THOP1: variants seen among roughly 807,000 people sequenced by gnomAD.
THOP1 encodes thimet oligopeptidase.
In THOP1, 49 loss-of-function variants were observed where a neutral mutation model predicts 71.8. The ratio of observed to expected loss-of-function variants is 0.68; its 90% confidence interval spans 0.54 to 0.87. The LOEUF (loss-of-function observed/expected upper bound fraction) is 0.87, where lower values mean the gene tolerates loss of function less well. Ranked by LOEUF, THOP1 falls within the 40% of genes least tolerant of loss-of-function variation. THOP1 has a pLI of 0.00. For synonymous variants in THOP1, 426 were observed against 421.5 expected (o/e 1.01, Z -0.13); for missense variants, 843 against 975.6 (o/e 0.86, Z 1.81).
rs145473951 is a variant in THOP1 at position 2,790,543 on chromosome 19, G to A, written c.139G>A (p.Val47Met). The A allele has an allele frequency of 1.6e-5, 26 of 1,607,960 alleles. No homozygotes were observed. Among genetic ancestry groups the A allele is most frequent in the Non-Finnish European group, 1.9e-5 (22 of 1,177,536 alleles). ...GGAGCTCATCGAGCAGACCAAGCGC[G>A]TGTATGACCAGGTTGGCACCCAGGA... ...TRELIEQTKR[V>M]YDQVGTQEFE... Residue 47 changes from valine to methionine, a missense_variant, in exon 2 of 13, where the codon GTG (valine) becomes ATG (methionine). By Grantham distance (21) the Val-to-Met change is conservative. Coordinates refer to ENST00000307741, the MANE Select transcript of THOP1 (RefSeq NM_003249.5).
chr19:2,811,589 C>T lies in THOP1; in HGVS notation c.1772-9C>T, dbSNP rs778755510. 4.3e-6 allele frequency: 7 copies of T among 1,611,260 alleles called. No individual in the cohort carries two copies. Among genetic ancestry groups the T allele is most frequent in the Non-Finnish European group, 5.1e-6 (6 of 1,178,788 alleles). Reference sequence around the variant, plus strand: ...CTACAGCGTGAACCCTGCCATGTGTCCGCCCCAGGAACCAACATGCCTGCA... The same window carrying T: ...CTACAGCGTGAACCCTGCCATGTGTTCGCCCCAGGAACCAACATGCCTGCA... On this transcript the variant is annotated splice_polypyrimidine_tract_variant and intron_variant, in intron 11 of 12. Transcript: ENST00000307741.
At chr19:2,795,670 C>T (rs926305780) in intron 3 of THOP1, among the ~76,000 whole-genome samples, 3 of 152,262 alleles carry the variant, frequency 2.0e-5, no homozygotes, top group Admixed American at 6.5e-5. Context: ...CCCACCTCCA[C>T]TTTCCAGAGT....
At position 2,785,602 on chromosome 19, in the gene THOP1, G is replaced by A; in HGVS notation, c.-61G>A. 6.7e-7 allele frequency: 1 copy of A among 1,489,338 alleles called. No individual in the cohort carries two copies. The allele number at this position is 1,489,338 out of a possible 1,614,324, so 92.3% of individuals were successfully genotyped here. A position where few individuals can be genotyped will look rare whatever the true frequency, so the allele number is the denominator to read the frequency against. Reference sequence around the variant, plus strand: ...CGAGGCAGGCGGCCTCAGTGGCCGAGGTGGCTGGACGCGTAGCAGGTGGAA... The same window carrying A: ...CGAGGCAGGCGGCCTCAGTGGCCGAAGTGGCTGGACGCGTAGCAGGTGGAA... On this transcript the variant is annotated 5_prime_UTR_variant, in exon 1 of 13. Transcript: ENST00000307741.
intron 2 of THOP1, among the ~76,000 whole-genome samples, chr19:2,794,215 T>G (rs1288250384): frequency 5.9e-5 from 9 of 151,710 alleles, no homozygotes. Flanking sequence ...GGGTTTCACC[T>G]TGTTGGCCAG....
In THOP1 at chr19:2,804,057, C is replaced by T. The variant is rs949336752; in HGVS notation, c.590-959C>T. 1.3e-5 allele frequency among the ~76,000 whole-genome samples: 2 copies of T among 152,032 alleles called. No individual in the cohort carries two copies. The highest frequency in any genetic ancestry group is 4.8e-5 in the African/African-American group (2 of 41,384). ...CGTGTGAGCTCCGGATCATTCTTTC[C>T]ACCCTGACTCCCCTGGGGTCGGAGT... On this transcript the variant is annotated intron_variant, in intron 5 of 12. Coordinates refer to ENST00000307741, the MANE Select transcript of THOP1 (RefSeq NM_003249.5). The surrounding 1 kb of genome is among the most constrained non-coding windows in gnomAD (Gnocchi z 4.7).
At position 2,813,304 on chromosome 19, in the gene THOP1, G is replaced by T. The variant is rs771258530; in HGVS notation, c.*28G>T. The stretch of plus-strand genomic sequence containing the variant: ...CCTGGCACTGCGACTGCCCAGTCTG[G>T]CCTGCGCTCCCGCCGCCCTGGTGCC... On this transcript the variant is annotated 3_prime_UTR_variant, in exon 13 of 13. Coordinates refer to ENST00000307741, the MANE Select transcript of THOP1 (RefSeq NM_003249.5). 7.6e-6 allele frequency: 12 copies of T among 1,583,258 alleles called. No homozygotes were observed. Among genetic ancestry groups the T allele is most frequent in the Non-Finnish European group, 9.4e-6 (11 of 1,165,210 alleles).
At position 2,804,642 on chromosome 19, in the gene THOP1, C is replaced by T. The variant is rs963736864; in HGVS notation, c.590-374C>T. ...GGCCACCCTTCCCGCCACCCTCCTCCCTTCACACATGAGGTTGGTGACGGC... is the reference window on the plus strand; with the variant it reads ...GGCCACCCTTCCCGCCACCCTCCTCTCTTCACACATGAGGTTGGTGACGGC... On this transcript the variant is annotated intron_variant, in intron 5 of 12. Transcript: ENST00000307741. This position sits in a 1 kb window ranked among gnomAD's most constrained non-coding sequence, Gnocchi z 4.7. 1.6e-5 allele frequency: 3 copies of T among 185,436 alleles called. No individual in the cohort carries two copies. The highest frequency in any genetic ancestry group is 4.7e-5 in the African/African-American group (2 of 42,308). The allele number at this position is 185,436 out of a possible 1,614,324, so 11.5% of individuals were successfully genotyped here.
rs1169402198 is a variant in THOP1, at chr19:2,804,364, C to T, written c.590-652C>T. 1.3e-5 allele frequency among the ~76,000 whole-genome samples: 2 copies of T among 152,126 alleles called. No individual in the cohort carries two copies. The highest frequency in any genetic ancestry group is 2.9e-5 in the Non-Finnish European group (2 of 68,020). On this transcript the variant is annotated intron_variant, in intron 5 of 12. Transcript: ENST00000307741. This position sits in a 1 kb window ranked among gnomAD's most constrained non-coding sequence, Gnocchi z 4.7. The stretch of plus-strand genomic sequence containing the variant: ...GACAGCAGGGCTCCAGTGAGAAGCT[C>T]TGGGAGTAGGAATTGGGTCTCTCTG...
chr19:2,799,826 G>A (rs375217695), intron 5 of THOP1, 35 bp downstream of exon 5: 109 of 1,580,898 alleles, frequency 6.9e-5, no homozygotes, highest in Admixed American at 1.0e-4. Flanking sequence ...GGTGGCCATC[G>A]GTCCTGGGAC....
At position 2,813,486 on chromosome 19, in the gene THOP1, T is replaced by C. The variant is rs1916540083; in HGVS notation, c.*210T>C. ...CCTCAAGGCATCTGGAGGGCTTTCG[T>C]GGCTGCCAGGGCCTGGTCTTTGTTG... On this transcript the variant is annotated 3_prime_UTR_variant, in exon 13 of 13. Coordinates refer to ENST00000307741, the MANE Select transcript of THOP1 (RefSeq NM_003249.5). The C allele has an allele frequency of 1.2e-5, 7 of 585,628 alleles. No individual in the cohort carries two copies. The highest frequency in any genetic ancestry group is 2.1e-5 in the Non-Finnish European group (7 of 340,852). 36.3% of individuals were successfully genotyped at this position (585,628 alleles called of 1,614,324 possible). A position where few individuals can be genotyped will look rare whatever the true frequency, so the allele number is the denominator to read the frequency against.
chr19:2,810,238 G>A, intron 9 of THOP1, 66 bp from the exon 10 acceptor site: 1 of 1,554,654 alleles, frequency 6.4e-7, no homozygotes, highest in South Asian at 1.2e-5. Flanking sequence ...AGCTGACACG[G>A]GCCAGGCCGG....
intron 5 of THOP1, among the ~76,000 whole-genome samples, chr19:2,800,830 C>T (rs959021314): frequency 2.6e-5 from 4 of 152,056 alleles, no homozygotes; most frequent in Non-Finnish European, 5.9e-5. Context: ...ATTCCCGCAG[C>T]CACCCACGCC....
intron 2 of THOP1, among the ~76,000 whole-genome samples, chr19:2,793,431 C>T (rs530095151): frequency 5.3e-5 from 8 of 152,188 alleles, no homozygotes; most frequent in African/African-American, 1.9e-4. Flanking sequence ...GTGGCTCATG[C>T]CTGTAATCCC....
chr19:2,810,842 G>C, intron 11 of THOP1, 74 bp downstream of exon 11: 2 of 1,528,320 alleles, frequency 1.3e-6, no homozygotes, highest in Non-Finnish European at 1.8e-6. Flanking sequence ...GAAGGGAGTT[G>C]GTCCCCATGC....
At position 2,804,735 on chromosome 19, in the gene THOP1, C is replaced by A. The variant is rs1205166354; in HGVS notation, c.590-281C>A. On this transcript the variant is annotated intron_variant, in intron 5 of 12. Coordinates refer to ENST00000307741, the MANE Select transcript of THOP1 (RefSeq NM_003249.5). The surrounding 1 kb of genome is among the most constrained non-coding windows in gnomAD (Gnocchi z 4.7). ...CTTTAACCTCTCTGGGGCAGGAGAT[C>A]CTGCTCTGAGGATGCTGGGGGGTTT... 2.7e-6 allele frequency: 1 copy of A among 377,096 alleles called. No individual in the cohort carries two copies. The highest frequency in any genetic ancestry group is 5.1e-5 in the East Asian group (1 of 19,504). 23.4% of individuals were successfully genotyped at this position (377,096 alleles called of 1,614,324 possible).
At chr19:2,810,262 G>A in intron 9 of THOP1, 42 bp from the exon 10 acceptor site, 2 of 1,596,302 alleles carry the variant, frequency 1.3e-6, no homozygotes, top group South Asian at 1.1e-5. Context: ...GAACGGGCTA[G>A]GCAGGACCTG....
At chr19:2,797,860 G>A (rs1258497088) in intron 4 of THOP1, among the ~76,000 whole-genome samples, 2 of 152,122 alleles carry the variant, frequency 1.3e-5, no homozygotes, top group South Asian at 2.1e-4. Context: ...GTTAGGGGGC[G>A]TCTCCACCTT....
intron 4 of THOP1, among the ~76,000 whole-genome samples, chr19:2,796,931 T>G (rs1916030288): frequency 6.6e-6 from 1 of 152,160 alleles, no homozygotes; most frequent in African/African-American, 2.4e-5. Flanking sequence ...GGTGCAGAGC[T>G]GGGAGCGCAG....
At chr19:2,797,060 C>T (rs1265450765) in intron 4 of THOP1, among the ~76,000 whole-genome samples, 4 of 152,192 alleles carry the variant, frequency 2.6e-5, no homozygotes, top group African/African-American at 9.7e-5. Context: ...CAGCTCGCCA[C>T]ATGGGAAGCA....
Sources: allele counts gnomAD v4.1 joint callset (sites outside exome capture counted in the v4.1 genomes callset), GRCh38; gene constraint gnomAD v4.1.1; non-coding constraint Gnocchi (gnomAD v3.1); transcripts MANE v1.5; gene names NCBI Gene and HGNC (gene_info 2026-07-23, HGNC 2026-07-21).